The following HDX variants were observed in gnomAD, a reference collection of about 807,000 sequenced individuals.
HDX encodes the protein highly divergent homeobox.
In HDX, 19 loss-of-function variants were observed where a neutral mutation model predicts 45.2. The ratio of observed to expected loss-of-function variants is 0.42; its 90% CI spans 0.29 to 0.62. HDX has a LOEUF of 0.62. Ranked by LOEUF, HDX falls within the 20% of genes least tolerant of loss-of-function variation. The probability of loss-of-function intolerance (pLI) is 0.20; values close to 1 mark genes in which losing one functional copy is unlikely to be tolerated. For missense variants in HDX, 532 were observed against 493.9 expected (o/e 1.08, Z -0.73); for synonymous variants, 188 against 172.8 (o/e 1.09, Z -0.69).
chrX:84,340,369 T>G (rs2147790768), intron 7 of HDX, among the ~76,000 whole-genome samples: 1 of 111,363 alleles, frequency 9.0e-6, no homozygotes, highest in East Asian at 2.8e-4. Flanking sequence ...AAAGATATCT[T>G]TCCCTTCTTA....
At chrX:84,421,486 A>G (rs1328845904) in intron 5 of HDX, among the ~76,000 whole-genome samples, 1 of 111,402 alleles carries the variant, frequency 9.0e-6, no homozygotes, top group Non-Finnish European at 1.9e-5. Flanking sequence ...AGAGGAAGAC[A>G]TGAAAAAAAG....
Position 84,469,140 on chromosome X carries a change from T to C in HDX, c.583A>G (p.Lys195Glu). ...TGTACTGAAGAGTTTCCATAGTTTT[T>C]CTTTGCGTGATTGAATACTGAGTTT... ...AGNSVFNHAK[K>E]NYGNSSVQAS... The change falls in exon 4 of 11, where the codon AAA (lysine) becomes GAA (glutamate). Residue 195 changes from lysine (K) to glutamate (E), a missense_variant. By Grantham distance (56) the Lys-to-Glu change is moderately conservative. Transcript: ENST00000373177. The C allele has an allele frequency of 8.3e-7, 1 of 1,210,320 alleles. No individual in the cohort carries two copies. Among genetic ancestry groups the C allele is most frequent in the Non-Finnish European group, 1.1e-6 (1 of 894,765 alleles).
chrX:84,379,547 A>T (rs2038138421), intron 5 of HDX, among the ~76,000 whole-genome samples: 1 of 111,760 alleles, frequency 8.9e-6, no homozygotes, highest in African/African-American at 3.2e-5. Flanking sequence ...CTGACCACAA[A>T]TGAATAAAAC....
chrX:84,481,550 T>G (rs1389215153), intron 2 of HDX, among the ~76,000 whole-genome samples: 3 of 111,188 alleles, frequency 2.7e-5, no homozygotes, highest in Admixed American at 9.6e-5. Context: ...CCTACAGCAC[T>G]CTATTAACCT....
At chrX:84,436,851 T>C (rs764207808) in intron 5 of HDX, among the ~76,000 whole-genome samples, 1 of 109,464 alleles carries the variant, frequency 9.1e-6, no homozygotes, top group Non-Finnish European at 1.9e-5. Context: ...TTTTTGTCCA[T>C]GGTGCAGTTT....
chrX:84,442,640 A>T (rs971755488), intron 4 of HDX, among the ~76,000 whole-genome samples: 1 of 110,794 alleles, frequency 9.0e-6, no homozygotes, highest in Admixed American at 9.7e-5. Context: ...TTATCCCACC[A>T]ATGTGTGTTA....
chrX:84,345,437 G>A (rs1326044637), intron 6 of HDX, among the ~76,000 whole-genome samples: 2 of 111,204 alleles, frequency 1.8e-5, no homozygotes, highest in African/African-American at 6.5e-5. Context: ...TCATTCCCTG[G>A]AGATTCATTC....
At chrX:84,347,334 A>G (rs769706982) in intron 6 of HDX, among the ~76,000 whole-genome samples, 4 of 111,028 alleles carry the variant, frequency 3.6e-5, no homozygotes, top group African/African-American at 1.3e-4. Flanking sequence ...AGCTAGAACT[A>G]AAAGTGCTCA....
intron 4 of HDX, among the ~76,000 whole-genome samples, chrX:84,463,880 C>T (rs995124075): frequency 7.2e-5 from 8 of 110,944 alleles, no homozygotes; most frequent in Non-Finnish European, 1.3e-4. Context: ...ACCACTTCAA[C>T]CCTTAATATT....
At chrX:84,419,405 T>C (rs183836184) in intron 5 of HDX, among the ~76,000 whole-genome samples, 109 of 112,107 alleles carry the variant, frequency 9.7e-4, no homozygotes, top group Non-Finnish European at 1.7e-3. Context: ...GTAGCATTTC[T>C]TGTGGTATGG....
intron 5 of HDX, among the ~76,000 whole-genome samples, chrX:84,410,062 T>TA (rs1215257762): frequency 0.35 from 25,835 of 74,350 alleles, 4,124 homozygotes; most frequent in African/African-American, 0.4. Flanking sequence ...CAAAAAAGAT[T>TA]AAAAAAAAAA....
chrX:84,393,188 G>A (rs556497612), intron 5 of HDX, among the ~76,000 whole-genome samples: 394 of 111,426 alleles, frequency 3.5e-3, no homozygotes, highest in Non-Finnish European at 4.9e-3. Flanking sequence ...GTTGAGGTGC[G>A]TTCTTTCTGT....
Position 84,321,234 on chromosome X carries a change from T to C in HDX, c.*655A>G, listed in dbSNP as rs1373274433. On this transcript the variant is annotated 3_prime_UTR_variant, in exon 11 of 11. Coordinates refer to ENST00000373177, the MANE Select transcript of HDX (RefSeq NM_001177479.2). ...ACACTTCGTAATTTATTTGACGTTATGTTGGTTAAATTACCTTTCCATTGT... is the reference window on the plus strand; with the variant it reads ...ACACTTCGTAATTTATTTGACGTTACGTTGGTTAAATTACCTTTCCATTGT... 1 of 110,675 alleles carries C rather than the reference T, an allele frequency of 9.0e-6. No individual in the cohort carries two copies. The allele number at this position is 110,675 out of a possible 1,213,427, so 9.1% of individuals were successfully genotyped here.
At chrX:84,413,453 C>G (rs1192216654) in intron 5 of HDX, among the ~76,000 whole-genome samples, 1 of 111,592 alleles carries the variant, frequency 9.0e-6, no homozygotes, top group African/African-American at 3.3e-5. Context: ...TGTGCTCTAA[C>G]TCTAGGTCCC....
intron 5 of HDX, among the ~76,000 whole-genome samples, chrX:84,412,761 T>C (rs967772803): frequency 8.0e-5 from 9 of 111,943 alleles, no homozygotes; most frequent in South Asian, 3.7e-4. Context: ...TCCTCAAATA[T>C]GTTTTGCATG....
intron 9 of HDX, among the ~76,000 whole-genome samples, chrX:84,332,523 A>G (rs921137854): frequency 1.8e-5 from 2 of 110,940 alleles, no homozygotes; most frequent in African/African-American, 3.3e-5. Flanking sequence ...GAGGTCTTGG[A>G]AAGAATCCTC....
intron 7 of HDX, among the ~76,000 whole-genome samples, chrX:84,342,770 A>G (rs997434085): frequency 3.6e-5 from 4 of 111,364 alleles, no homozygotes; most frequent in Admixed American, 2.9e-4. Flanking sequence ...GTATATTTAC[A>G]TAATTGTAGT....
At chrX:84,338,138 A>G (rs1207423125) in intron 7 of HDX, among the ~76,000 whole-genome samples, 1 of 111,080 alleles carries the variant, frequency 9.0e-6, no homozygotes, top group African/African-American at 3.3e-5. Flanking sequence ...TCATGGAAAG[A>G]AATATAGGGG....
At chrX:84,420,623 T>A (rs2039232065) in intron 5 of HDX, among the ~76,000 whole-genome samples, 1 of 111,474 alleles carries the variant, frequency 9.0e-6, no homozygotes, top group South Asian at 3.7e-4. Context: ...AAGATATCAA[T>A]ATCCAAGTGC....
Sources: gnomAD v4.1 joint callset for allele counts (sites outside exome capture counted in the v4.1 genomes callset) on GRCh38, gnomAD v4.1.1 for gene constraint, MANE v1.5 for transcripts, NCBI Gene and HGNC (gene_info 2026-07-23, HGNC 2026-07-21) for gene names.